PCDHGB1: variants seen among roughly 807,000 people sequenced by gnomAD.
PCDHGB1 encodes the protein protocadherin gamma-B1.
Under a neutral mutation model 56.6 loss-of-function variants are expected in PCDHGB1, and 34 were observed. The observed-to-expected ratio is 0.60, with a 90% CI of 0.46 to 0.80. The LOEUF (loss-of-function observed/expected upper bound fraction) is 0.80. Ranked by LOEUF, PCDHGB1 falls within the 30% of genes least tolerant of loss-of-function variation. The pLI is 0.00. For synonymous variants in PCDHGB1, 561 were observed against 505.9 expected (o/e 1.11, Z -1.46); for missense variants, 1,278 against 1,204.6 (o/e 1.06, Z -0.90).
At position 141,509,907 on chromosome 5, in the gene PCDHGB1, C is replaced by G. The variant is rs149338646; in HGVS notation, c.2558-1040C>G. Among the ~76,000 whole-genome samples, 567 of 152,300 alleles carry G rather than the reference C, an allele frequency of 3.7e-3. 5 individuals carry two copies. Among genetic ancestry groups the G allele is most frequent in the Admixed American group, 0.011 (163 of 15,296 alleles). ...GTGACTGACTGTCCCTTCCAGCATGCGCTTAGGTACACTTGGGCCTGAATG... is the reference window on the plus strand; with the variant it reads ...GTGACTGACTGTCCCTTCCAGCATGGGCTTAGGTACACTTGGGCCTGAATG... On this transcript the variant is annotated intron_variant, in intron 3 of 3. Coordinates refer to ENST00000523390, the MANE Select transcript of PCDHGB1 (RefSeq NM_018922.3).
chr5:141,458,575 G>A (rs1337776166), intron 1 of PCDHGB1, among the ~76,000 whole-genome samples: 1 of 151,346 alleles, frequency 6.6e-6, no homozygotes, highest in Non-Finnish European at 1.5e-5. Context: ...GTTTTTGTTT[G>A]TTTGTTTGTT....
intron 1 of PCDHGB1, chr5:141,404,311 T>G (rs746092761): frequency 1.9e-6 from 3 of 1,613,924 alleles, no homozygotes. Flanking sequence ...CTGCTTTCTC[T>G]CAAGCCTCCT....
intron 3 of PCDHGB1, among the ~76,000 whole-genome samples, chr5:141,507,784 T>C (rs2099863290): frequency 6.6e-6 from 1 of 152,136 alleles, no homozygotes; most frequent in Non-Finnish European, 1.5e-5. Context: ...GGCCTGACCC[T>C]CGTCTAAGCC....
intron 1 of PCDHGB1, chr5:141,387,572 T>C (rs369703788): frequency 1.9e-4 from 92 of 480,688 alleles, no homozygotes; most frequent in Non-Finnish European, 2.3e-4. Flanking sequence ...CAATTATAAT[T>C]ATTGCACTGG....
At chr5:141,430,737 A>G in intron 1 of PCDHGB1, 1 of 1,498,286 alleles carries the variant, frequency 6.7e-7, no homozygotes, top group South Asian at 1.4e-5. Flanking sequence ...CAGAATTGAA[A>G]ATAATTCTGG....
chr5:141,405,089 G>T, intron 1 of PCDHGB1: 2 of 1,613,878 alleles, frequency 1.2e-6, no homozygotes, highest in South Asian at 2.2e-5. Context: ...CACGCTGCTG[G>T]CCCTCAGGCT....
At chr5:141,374,266 G>T in intron 1 of PCDHGB1, 1 of 1,614,016 alleles carries the variant, frequency 6.2e-7, no homozygotes, top group Non-Finnish European at 8.5e-7. Context: ...AGTTGGCGGA[G>T]CACGGAGTCC....
At chr5:141,427,858 C>T in intron 1 of PCDHGB1, 1 of 1,555,500 alleles carries the variant, frequency 6.4e-7, no homozygotes, top group South Asian at 1.1e-5. Context: ...CAGCTGTGCG[C>T]CTTCGAGCTC....
At position 141,510,984 on chromosome 5, in the gene PCDHGB1, C is replaced by T. The variant is rs375865663; in HGVS notation, c.2595C>T (p.Ala865=). The change falls in exon 4 of 4, where the codon GCC becomes GCT. Residue 865 remains alanine (A), a synonymous_variant. Coordinates refer to ENST00000523390, the MANE Select transcript of PCDHGB1 (RefSeq NM_018922.3). ...GGAGCTCCACCCTGGGAGGGGGTGC[C>T]GGCACCATGGGATTGAGCGCCCGCT... The part of the protein sequence containing the change: ...ADGSSTLGGG[A]GTMGLSARYG... 20 of 1,614,044 alleles carry T rather than the reference C, an allele frequency of 1.2e-5. No homozygotes were observed. The East Asian group carries it at 1.6e-4, about 13-fold the overall frequency.
At chr5:141,367,190 T>C (rs1025427411) in intron 1 of PCDHGB1, 2 of 158,754 alleles carry the variant, frequency 1.3e-5, no homozygotes, top group South Asian at 1.8e-4. Flanking sequence ...AAGGAAATAA[T>C]TTACAGTATT....
At chr5:141,364,124 G>A (rs1449257232) in intron 1 of PCDHGB1, 9 of 457,656 alleles carry the variant, frequency 2.0e-5, no homozygotes, top group Admixed American at 1.5e-4. Flanking sequence ...TCTGAGTGTC[G>A]CTGTTGACCA....
In PCDHGB1 at chr5:141,432,219, T is replaced by A. The variant is rs1327611752; in HGVS notation, c.2410-62588T>A. 6.2e-7 allele frequency: 1 copy of A among 1,614,122 alleles called. No homozygotes were observed. Among genetic ancestry groups the A allele is most frequent in the East Asian group, 2.2e-5 (1 of 44,868 alleles). On this transcript the variant is annotated intron_variant, in intron 1 of 3. Transcript: ENST00000523390. The surrounding 1 kb of genome is among the most constrained non-coding windows in gnomAD (Gnocchi z 6.0). The stretch of plus-strand genomic sequence containing the variant: ...CCCGACTGTGAAGAGAACGCCCAGA[T>A]CACTTATTCCCTGGCTGAGAACACC...
intron 1 of PCDHGB1, among the ~76,000 whole-genome samples, chr5:141,468,782 C>T (rs1280972843): frequency 2.0e-5 from 3 of 151,990 alleles, no homozygotes; most frequent in East Asian, 3.9e-4. Context: ...AGGAGAATGG[C>T]GTGAACCCGG....
intron 1 of PCDHGB1, 45 bp downstream of exon 1, chr5:141,352,714 G>T (rs776520585): frequency 6.5e-7 from 1 of 1,540,668 alleles, no homozygotes; most frequent in Admixed American, 2.0e-5. Flanking sequence ...TGGCGGCCGG[G>T]CGCGGTGGCT....
chr5:141,364,406 C>A, intron 1 of PCDHGB1: 1 of 1,609,568 alleles, frequency 6.2e-7, no homozygotes, highest in East Asian at 2.2e-5. Context: ...GCTGTGCGAG[C>A]CAGGATCCGG....
chr5:141,423,009 G>T (rs371209178), intron 1 of PCDHGB1: 3 of 1,614,222 alleles, frequency 1.9e-6, no homozygotes, highest in Non-Finnish European at 2.5e-6. Context: ...AGGTGGTTGC[G>T]GTGGACAAAG....
chr5:141,394,196 C>T, intron 1 of PCDHGB1: 1 of 1,613,910 alleles, frequency 6.2e-7, no homozygotes, highest in Non-Finnish European at 8.5e-7. Flanking sequence ...CAGCGTATAT[C>T]CTAGAGAACA....
chr5:141,484,869 G>C (rs2154580238), intron 1 of PCDHGB1: 1 of 292,558 alleles, frequency 3.4e-6, no homozygotes, highest in African/African-American at 2.2e-5. Flanking sequence ...GGGGGAGCGT[G>C]GAGGATAGGG....
chr5:141,375,703 G>C (rs776426026), intron 1 of PCDHGB1: 6 of 1,614,144 alleles, frequency 3.7e-6, no homozygotes, highest in Non-Finnish European at 5.1e-6. Context: ...GCGGGGACCC[G>C]CCTCTTAGCA....
Sources: gnomAD v4.1 joint callset for allele counts (sites outside exome capture counted in the v4.1 genomes callset) on GRCh38, gnomAD v4.1.1 for gene constraint, Gnocchi (gnomAD v3.1) non-coding constraint, MANE v1.5 for transcripts, NCBI Gene and HGNC (gene_info 2026-07-23, HGNC 2026-07-21) for gene names.